The following LRTM3 variants were observed in gnomAD, a reference collection of about 807,000 sequenced individuals.
The protein encoded by LRTM3 is leucine-rich repeat transmembrane protein 3.
the LRTM3 span, chr13:102,749,667 C>T: frequency 1.3e-6 from 2 of 1,551,440 alleles, no homozygotes; most frequent in Non-Finnish European, 1.7e-6. Flanking sequence ...ATCACATCTT[C>T]AGGCTGGGCA....
At chr13:102,743,880 A>T in the LRTM3 span, 2 of 1,550,680 alleles carry the variant, frequency 1.3e-6, no homozygotes, top group Non-Finnish European at 1.7e-6. Context: ...GAGTCAGATA[A>T]AACAGGCATG....
chr13:102,730,178 C>G, the LRTM3 span: 234 of 1,550,410 alleles, frequency 1.5e-4, 1 homozygote, highest in Non-Finnish European at 1.5e-4. Context: ...ACAATGGGAA[C>G]CTGAATCTTC....
chr13:102,740,236 TG>T, the LRTM3 span: 3 of 1,549,304 alleles, frequency 1.9e-6, no homozygotes, highest in Non-Finnish European at 2.6e-6. Flanking sequence ...ATAAGAGACT[TG>T]CATATTTTAT....
the LRTM3 span, chr13:102,743,349 C>T: frequency 1.3e-6 from 2 of 1,550,476 alleles, no homozygotes; most frequent in South Asian, 2.4e-5. Flanking sequence ...TCAGAGGAAT[C>T]TGGAGTGAAG....
At chr13:102,739,455 C>T in the LRTM3 span, 44 of 1,550,532 alleles carry the variant, frequency 2.8e-5, no homozygotes, top group Non-Finnish European at 3.8e-5. Context: ...TTTAGAGTTC[C>T]TGACTTATCT....
chr13:102,747,809 A>G, the LRTM3 span: 1 of 1,551,226 alleles, frequency 6.4e-7, no homozygotes. Context: ...TTGTGTAGAA[A>G]GAGTTTGTGG....
chr13:102,744,679 A>G, the LRTM3 span: 10 of 1,550,862 alleles, frequency 6.4e-6, no homozygotes, highest in Admixed American at 9.8e-5. Context: ...GTGTACTGAA[A>G]CGGAGGTGTT....
chr13:102,731,895 C>T, the LRTM3 span: 2 of 1,549,278 alleles, frequency 1.3e-6, no homozygotes, highest in Non-Finnish European at 1.7e-6. Context: ...AGAATCTTTT[C>T]TTCCTGCTCG....
the LRTM3 span, chr13:102,739,897 T>G: frequency 1.3e-6 from 2 of 1,550,200 alleles, no homozygotes; most frequent in Admixed American, 2.0e-5. Flanking sequence ...TCCACTGCAT[T>G]TCTAGTCTGT....
chr13:102,730,398 C>G, the LRTM3 span: 1 of 1,550,864 alleles, frequency 6.4e-7, no homozygotes. Context: ...TCAACAAAAT[C>G]TTCAGAAATC....
At chr13:102,732,902 C>T in the LRTM3 span, 1 of 1,551,256 alleles carries the variant, frequency 6.4e-7, no homozygotes, top group Non-Finnish European at 8.7e-7. Flanking sequence ...CTCCAGATCC[C>T]CTGATTGAAA....
At chr13:102,746,690 A>G in the LRTM3 span, 1 of 1,551,178 alleles carries the variant, frequency 6.4e-7, no homozygotes, top group Non-Finnish European at 8.7e-7. Context: ...GCAATAATTG[A>G]AAGTCTCTGG....
the LRTM3 span, chr13:102,737,399 TGTAGGAA>T: frequency 6.4e-7 from 1 of 1,550,950 alleles, no homozygotes; most frequent in Non-Finnish European, 8.7e-7. Context: ...AGAAGGCAAA[TGTAGGAA>T]GAGAACTGTT....
chr13:102,740,236 T>G, the LRTM3 span: 2 of 1,549,304 alleles, frequency 1.3e-6, no homozygotes, highest in Non-Finnish European at 1.7e-6. Context: ...ATAAGAGACT[T>G]GCATATTTTA....
the LRTM3 span, chr13:102,749,628 C>G: frequency 4.5e-6 from 7 of 1,551,250 alleles, no homozygotes; most frequent in Non-Finnish European, 6.1e-6. Context: ...TGGAAGGAGT[C>G]TTGTGTGCTG....
chr13:102,744,705 C>A, the LRTM3 span: 39 of 1,550,636 alleles, frequency 2.5e-5, no homozygotes, highest in Non-Finnish European at 3.1e-5. Context: ...TAGCATGGAA[C>A]TGATTCTGTT....
chr13:102,750,089 G>A, the LRTM3 span: 2 of 1,550,652 alleles, frequency 1.3e-6, no homozygotes, highest in Non-Finnish European at 1.7e-6. Flanking sequence ...GTTTTTGTTG[G>A]TTTTCATCAT....
the LRTM3 span, chr13:102,731,461 T>C: frequency 6.4e-7 from 1 of 1,551,404 alleles, no homozygotes; most frequent in African/African-American, 1.4e-5. Flanking sequence ...GCTTATTTTT[T>C]TCTTTGGGAG....
chr13:102,747,931 T>A, the LRTM3 span: 1 of 1,551,288 alleles, frequency 6.4e-7, no homozygotes. Context: ...ACCTGAAGCC[T>A]TGTGTCAGCT....
Sources: allele counts gnomAD v4.1 joint callset, GRCh38; gene constraint gnomAD v4.1.1; transcripts MANE v1.5; gene names NCBI Gene and HGNC (gene_info 2026-07-23, HGNC 2026-07-21).